DDX10: variants seen among roughly 807,000 people sequenced by gnomAD.
The protein encoded by DDX10 is probable ATP-dependent RNA helicase DDX10.
In DDX10, 74 loss-of-function variants were observed where a neutral mutation model predicts 104.3. The ratio of observed to expected loss-of-function variants is 0.71; its 90% CI spans 0.59 to 0.86. The LOEUF is 0.86. Among genes scored for constraint, DDX10 ranks in the 40% least tolerant of loss-of-function variants. The pLI is 0.00. For synonymous variants in DDX10, 351 were observed against 353.4 expected, an observed-to-expected ratio of 0.99 and a Z score of 0.08; for missense variants, 952 against 1,040.0, an observed-to-expected ratio of 0.92 and a Z score of 1.16.
At chr11:108,855,606 T>C (rs7932427) in intron 16 of DDX10, among the ~76,000 whole-genome samples, 6,745 of 152,116 alleles carry the variant, frequency 0.044, 427 homozygotes, top group African/African-American at 0.14. Flanking sequence ...ACTACACGCA[T>C]GTGCCACCAC....
intron 11 of DDX10, among the ~76,000 whole-genome samples, chr11:108,717,046 C>A (rs960571770): frequency 3.3e-5 from 5 of 152,016 alleles, no homozygotes; most frequent in African/African-American, 1.2e-4. Flanking sequence ...GAGTTCTTAT[C>A]ATTTTCACCT....
At chr11:108,770,337 C>T (rs1407717814) in intron 13 of DDX10, among the ~76,000 whole-genome samples, 1 of 152,142 alleles carries the variant, frequency 6.6e-6, no homozygotes, top group Non-Finnish European at 1.5e-5. Context: ...TAAACAATTA[C>T]TATTCACTAT....
chr11:108,875,726 G>A (rs1177512820), intron 16 of DDX10, among the ~76,000 whole-genome samples: 1 of 152,184 alleles, frequency 6.6e-6, no homozygotes, highest in Non-Finnish European at 1.5e-5. Flanking sequence ...TGGCTTTCCA[G>A]TTCATGAAGC....
At chr11:108,676,888 T>C (rs557063230) in intron 3 of DDX10, among the ~76,000 whole-genome samples, 197 bp from the exon 4 acceptor site, 1 of 152,216 alleles carries the variant, frequency 6.6e-6, no homozygotes, top group South Asian at 2.1e-4. Flanking sequence ...GTGGGGTTTC[T>C]TTTCCCTTTC....
chr11:108,915,905 G>T, intron 16 of DDX10, among the ~76,000 whole-genome samples: 1 of 141,150 alleles, frequency 7.1e-6, no homozygotes, highest in Non-Finnish European at 1.5e-5. Flanking sequence ...TGAGAATGCA[G>T]CTGTCTTCAC....
chr11:108,665,976 C>A (rs1046076267), intron 1 of DDX10, among the ~76,000 whole-genome samples: 1 of 152,224 alleles, frequency 6.6e-6, no homozygotes, highest in Non-Finnish European at 1.5e-5. Context: ...TTTCTGTCAC[C>A]TATCATCCCC....
At chr11:108,797,573 A>G (rs1472120463) in intron 13 of DDX10, among the ~76,000 whole-genome samples, 1 of 152,250 alleles carries the variant, frequency 6.6e-6, no homozygotes, top group Non-Finnish European at 1.5e-5. Flanking sequence ...AAGAGGGCTT[A>G]CCTAGTACAT....
chr11:108,781,503 G>A (rs891492689), intron 13 of DDX10, among the ~76,000 whole-genome samples: 1 of 152,114 alleles, frequency 6.6e-6, no homozygotes, highest in African/African-American at 2.4e-5. Context: ...ATGCCAAATA[G>A]TATTCATAAT....
chr11:108,755,563 C>A (rs2094343471), intron 13 of DDX10, among the ~76,000 whole-genome samples: 1 of 151,926 alleles, frequency 6.6e-6, no homozygotes, highest in Non-Finnish European at 1.5e-5. Flanking sequence ...AACTGTCTAG[C>A]CCTTTATAGA....
chr11:108,797,090 G>A (rs1033141109), intron 13 of DDX10, among the ~76,000 whole-genome samples: 14 of 151,968 alleles, frequency 9.2e-5, no homozygotes, highest in Admixed American at 6.5e-4. Context: ...CTGGAGTGCA[G>A]TGGCACGATC....
At chr11:108,881,067 T>A (rs1249156800) in intron 16 of DDX10, among the ~76,000 whole-genome samples, 1 of 152,244 alleles carries the variant, frequency 6.6e-6, no homozygotes, top group Non-Finnish European at 1.5e-5. Flanking sequence ...TAATCATTTT[T>A]AAAATACTCT....
intron 13 of DDX10, among the ~76,000 whole-genome samples, chr11:108,768,166 A>G (rs2094358462): frequency 6.6e-6 from 1 of 152,112 alleles, no homozygotes; most frequent in African/African-American, 2.4e-5. Flanking sequence ...ATTAGTGGTT[A>G]AGTTTTTGGA....
chr11:108,751,666 CGT>C (rs746159173), intron 13 of DDX10, among the ~76,000 whole-genome samples: 28 of 152,182 alleles, frequency 1.8e-4, no homozygotes, highest in South Asian at 8.3e-4. Context: ...TTAGGGGAAA[CGT>C]GTGTACAAAA....
At chr11:108,749,374 G>C (rs1187428264) in intron 13 of DDX10, among the ~76,000 whole-genome samples, 1 of 152,094 alleles carries the variant, frequency 6.6e-6, no homozygotes, top group Non-Finnish European at 1.5e-5. Context: ...GAGTAGGGTA[G>C]TACTAACATT....
intron 16 of DDX10, among the ~76,000 whole-genome samples, chr11:108,879,833 T>A (rs1452554974): frequency 6.6e-6 from 1 of 152,110 alleles, no homozygotes; most frequent in Admixed American, 6.5e-5. Flanking sequence ...TGTCAGAATG[T>A]CCCTTATTAC....
chr11:108,877,887 G>C (rs1440293333), intron 16 of DDX10, among the ~76,000 whole-genome samples: 1 of 152,164 alleles, frequency 6.6e-6, no homozygotes, highest in Non-Finnish European at 1.5e-5. Flanking sequence ...CTAGGCTGAG[G>C]AAAATAAGTT....
At chr11:108,807,286 A>C (rs1862114723) in intron 13 of DDX10, among the ~76,000 whole-genome samples, 1 of 152,106 alleles carries the variant, frequency 6.6e-6, no homozygotes, top group Admixed American at 6.6e-5. Flanking sequence ...AACCTCATGA[A>C]GAGTTTGGGT....
chr11:108,863,715 C>T (rs1300109721), intron 16 of DDX10, among the ~76,000 whole-genome samples: 2 of 152,200 alleles, frequency 1.3e-5, no homozygotes, highest in East Asian at 1.9e-4. Flanking sequence ...TTGCCCCACT[C>T]AGTAGAGCTA....
intron 13 of DDX10, among the ~76,000 whole-genome samples, chr11:108,788,493 G>A (rs535619629): frequency 6.6e-6 from 1 of 152,248 alleles, no homozygotes; most frequent in Admixed American, 6.5e-5. Context: ...CCCCTGAGAA[G>A]CTGGGATTAC....
Sources: allele counts gnomAD v4.1 joint callset (sites outside exome capture counted in the v4.1 genomes callset), GRCh38; gene constraint gnomAD v4.1.1; transcripts MANE v1.5; gene names NCBI Gene and HGNC (gene_info 2026-07-23, HGNC 2026-07-21).